The following USP3 variants were observed in gnomAD, a reference collection of about 807,000 sequenced individuals.
The protein encoded by USP3 is ubiquitin specific peptidase 3.
Under a neutral mutation model 72.3 loss-of-function variants are expected in USP3, and 20 were observed. The observed-to-expected ratio is 0.28, with a 90% CI of 0.19 to 0.40. The LOEUF (loss-of-function observed/expected upper bound fraction) is 0.40. Ranked by LOEUF, USP3 falls within the 10% of genes least tolerant of loss-of-function variation. The pLI is 1.00. For missense variants in USP3, 479 were observed against 633.9 expected (o/e 0.76, Z 2.62); for synonymous variants, 222 against 225.3 (o/e 0.99, Z 0.13).
intron 11 of USP3, among the ~76,000 whole-genome samples, chr15:63,580,377 C>CGATGTGTG (rs915292879): frequency 3.3e-5 from 5 of 151,728 alleles, no homozygotes; most frequent in Admixed American, 6.6e-5. Context: ...TTGTTTTAAC[C>CGATGTGTG]GATGTGTGTC....
At chr15:63,517,875 C>G (rs529322468) in intron 1 of USP3, among the ~76,000 whole-genome samples, 1 of 152,284 alleles carries the variant, frequency 6.6e-6, no homozygotes, top group Admixed American at 6.5e-5. Flanking sequence ...TGTTATTGCT[C>G]CCCTAACTTC....
Position 63,553,040 on chromosome 15 carries a change from T to G in USP3, c.285-675T>G, listed in dbSNP as rs1197464948. On this transcript the variant is annotated intron_variant, in intron 3 of 14. Transcript: ENST00000380324. This position sits in a 1 kb window ranked among gnomAD's most constrained non-coding sequence, Gnocchi z 4.2. ...GTGATTTCTTACATTATTTGCTTTTTGACTTATAAAACACACAGAGTATCG... is the reference window on the plus strand; with the variant it reads ...GTGATTTCTTACATTATTTGCTTTTGGACTTATAAAACACACAGAGTATCG... Among the ~76,000 whole-genome samples the G allele has an allele frequency of 6.6e-6, 1 of 152,234 alleles. No individual in the cohort carries two copies. Among genetic ancestry groups the G allele is most frequent in the Non-Finnish European group, 1.5e-5 (1 of 68,020 alleles).
chr15:63,515,434 C>T (rs1459810389), intron 1 of USP3: 2 of 152,266 alleles, frequency 1.3e-5, no homozygotes, highest in East Asian at 1.9e-4. Flanking sequence ...GGGGCAGCCC[C>T]GTGGACCAGA....
In USP3 at chr15:63,590,986, T is replaced by C. The variant is rs2067187916; in HGVS notation, c.*160T>C. Reference sequence around the variant, plus strand: ...TGACTTACTGAACATGGGCACCAACTAATTTTGTTGTTGTTCTACCAGAAA... The same window carrying C: ...TGACTTACTGAACATGGGCACCAACCAATTTTGTTGTTGTTCTACCAGAAA... On this transcript the variant is annotated 3_prime_UTR_variant, in exon 15 of 15. Coordinates refer to ENST00000380324, the MANE Select transcript of USP3 (RefSeq NM_006537.4). 7.1e-6 allele frequency: 6 copies of C among 839,330 alleles called. No homozygotes were observed. In the East Asian group the frequency reaches 1.9e-4, roughly 27 times the overall value. The allele number at this position is 839,330 out of a possible 1,614,324, so 52.0% of individuals were successfully genotyped here.
At chr15:63,579,757 T>C (rs902783721) in intron 11 of USP3, among the ~76,000 whole-genome samples, 1 of 152,144 alleles carries the variant, frequency 6.6e-6, no homozygotes, top group African/African-American at 2.4e-5. Flanking sequence ...AGACAAATAT[T>C]TGGACATATA....
At chr15:63,582,405 A>G (rs746422930) in intron 11 of USP3, among the ~76,000 whole-genome samples, 30 of 152,154 alleles carry the variant, frequency 2.0e-4, no homozygotes, top group Admixed American at 1.3e-4. Context: ...GATCCTGAGG[A>G]TGTCCCCACC....
intron 11 of USP3, among the ~76,000 whole-genome samples, chr15:63,580,512 A>G (rs1595769779): frequency 1.3e-5 from 2 of 151,514 alleles, no homozygotes; most frequent in African/African-American, 2.4e-5. Context: ...ACTAACTTCA[A>G]CAAACCAGCT....
At chr15:63,534,990 G>T (rs986769578) in intron 2 of USP3, among the ~76,000 whole-genome samples, 4 of 152,046 alleles carry the variant, frequency 2.6e-5, no homozygotes, top group African/African-American at 9.7e-5. Context: ...GCAGTGGAGT[G>T]GGGTGATCTC....
intron 1 of USP3, among the ~76,000 whole-genome samples, chr15:63,526,244 C>T (rs2065980132): frequency 6.6e-6 from 1 of 152,108 alleles, no homozygotes; most frequent in Non-Finnish European, 1.5e-5. Flanking sequence ...AGCATGTTAT[C>T]TTTTTAAAAC....
At chr15:63,559,142 C>G (rs2066562369) in intron 6 of USP3, among the ~76,000 whole-genome samples, 2 of 152,158 alleles carry the variant, frequency 1.3e-5, no homozygotes, top group South Asian at 4.1e-4. Flanking sequence ...CTCCCAGAAG[C>G]TTAGCGTTCC....
chr15:63,544,044 TAA>T lies in USP3; in HGVS notation c.284+6902_284+6903del, dbSNP rs201842716. Among the ~76,000 whole-genome samples the T allele has an allele frequency of 3.7e-4, 49 of 134,002 alleles. No individual in the cohort carries two copies. Among genetic ancestry groups the T allele is most frequent in the Admixed American group, 4.5e-4 (6 of 13,234 alleles). 87.9% of individuals were successfully genotyped at this position (134,002 alleles called of 152,430 possible). ...GGGCAACACAGGGAGACACTGTCTT[TAA>T]AAAAAAAAAAAAAGGAAATTAGTTT... On this transcript the variant is annotated intron_variant, in intron 3 of 14. Transcript: ENST00000380324. This position sits in a 1 kb window ranked among gnomAD's most constrained non-coding sequence, Gnocchi z 4.2.
Position 63,574,447 on chromosome 15 carries a change from T to A in USP3, c.1096+44T>A. 1 of 1,403,510 alleles carries A rather than the reference T, an allele frequency of 7.1e-7. No homozygotes were observed. Among genetic ancestry groups the A allele is most frequent in the Non-Finnish European group, 9.8e-7 (1 of 1,018,834 alleles). The allele number at this position is 1,403,510 out of a possible 1,614,324, so 86.9% of individuals were successfully genotyped here. On this transcript the variant is annotated intron_variant, in intron 11 of 14. Coordinates refer to ENST00000380324, the MANE Select transcript of USP3 (RefSeq NM_006537.4). This position sits in a 1 kb window ranked among gnomAD's most constrained non-coding sequence, Gnocchi z 4.6. The stretch of plus-strand genomic sequence containing the variant: ...TCTAAAAATTTTTTTCTTTAAATAA[T>A]TGAATAGATTGATAAGCTTCATCTA...
intron 8 of USP3, among the ~76,000 whole-genome samples, chr15:63,568,181 G>A (rs955798963): frequency 2.0e-5 from 3 of 151,750 alleles, no homozygotes; most frequent in African/African-American, 4.8e-5. Flanking sequence ...GTGAAACCCC[G>A]TCTCTACCAA....
intron 1 of USP3, among the ~76,000 whole-genome samples, chr15:63,517,331 T>C (rs780267157): frequency 5.3e-5 from 8 of 152,212 alleles, no homozygotes; most frequent in Non-Finnish European, 1.0e-4. Flanking sequence ...GCTATTGTTT[T>C]GCAGTATCTT....
At chr15:63,580,674 T>TATATATATATATA (rs1566917047) in intron 11 of USP3, among the ~76,000 whole-genome samples, 8 of 131,110 alleles carry the variant, frequency 6.1e-5, no homozygotes, top group African/African-American at 1.5e-4. Flanking sequence ...TATATATGAA[T>TATATATATATATA]ATATAATATA....
chr15:63,512,716 T>G (rs1415886027), intron 1 of USP3, among the ~76,000 whole-genome samples: 11 of 152,212 alleles, frequency 7.2e-5, no homozygotes, highest in African/African-American at 2.2e-4. Flanking sequence ...ATACTGGGAT[T>G]ACAGGTGTGA....
chr15:63,541,893 T>C (rs2152664184), intron 3 of USP3, among the ~76,000 whole-genome samples: 1 of 152,222 alleles, frequency 6.6e-6, no homozygotes, highest in South Asian at 2.1e-4. Context: ...GTCAGGGGTG[T>C]TTGTTGCATA....
intron 11 of USP3, among the ~76,000 whole-genome samples, chr15:63,581,341 G>GTTTT (rs1192044113): frequency 7.4e-6 from 1 of 135,654 alleles, no homozygotes; most frequent in South Asian, 2.3e-4. Flanking sequence ...GTTTGTGTTG[G>GTTTT]TTTTTGTGTG....
chr15:63,556,529 G>T, intron 4 of USP3, 138 bp from the exon 5 acceptor site: 1 of 543,442 alleles, frequency 1.8e-6, no homozygotes, highest in Non-Finnish European at 3.3e-6. Context: ...AATACGTGTG[G>T]GCCCCAGTAG....
Sources: allele counts gnomAD v4.1 joint callset (sites outside exome capture counted in the v4.1 genomes callset), GRCh38; gene constraint gnomAD v4.1.1; non-coding constraint Gnocchi (gnomAD v3.1); transcripts MANE v1.5; gene names NCBI Gene and HGNC (gene_info 2026-07-23, HGNC 2026-07-21).